The following CDC20B variants were observed in gnomAD, a reference collection of about 807,000 sequenced individuals.
The protein encoded by CDC20B is cell division cycle protein 20 homolog B.
In CDC20B, 58 loss-of-function variants were observed where a neutral mutation model predicts 64.1. The ratio of observed to expected loss-of-function variants is 0.90; its 90% CI spans 0.73 to 1.13. CDC20B has a LOEUF of 1.13. CDC20B is among the 50% of genes most tolerant of loss of function. CDC20B has a pLI of 0.00. For synonymous variants in CDC20B, 243 were observed against 230.6 expected (o/e 1.05, Z -0.49); for missense variants, 597 against 633.0 (o/e 0.94, Z 0.61).
intron 8 of CDC20B, 30 bp downstream of exon 8, chr5:55,127,227 C>T: frequency 1.9e-6 from 3 of 1,574,284 alleles, no homozygotes; most frequent in Non-Finnish European, 2.6e-6. Flanking sequence ...TTAATACAAA[C>T]ATAACTGTCT....
At chr5:55,141,563 C>T (rs551485584) in intron 4 of CDC20B, among the ~76,000 whole-genome samples, 67 of 152,276 alleles carry the variant, frequency 4.4e-4, no homozygotes, top group African/African-American at 1.6e-3. Context: ...CACTGAGTCA[C>T]GAAGAATGTA....
intron 9 of CDC20B, among the ~76,000 whole-genome samples, chr5:55,123,738 T>A (rs1016324663): frequency 6.6e-6 from 1 of 152,210 alleles, no homozygotes; most frequent in Non-Finnish European, 1.5e-5. Context: ...TTTCAACTAA[T>A]TTTTTGTTTT....
intron 9 of CDC20B, among the ~76,000 whole-genome samples, chr5:55,124,100 C>A (rs867934109): frequency 6.6e-6 from 1 of 152,146 alleles, no homozygotes. Flanking sequence ...AATTTTTTTA[C>A]TAGAAATAAG....
chr5:55,135,319 T>C (rs1250380751), intron 5 of CDC20B, among the ~76,000 whole-genome samples: 51 of 152,174 alleles, frequency 3.4e-4, no homozygotes, highest in Non-Finnish European at 2.9e-5. Flanking sequence ...ACATTATCTC[T>C]GGCTTCATAG....
chr5:55,128,260 T>TA lies in CDC20B; in HGVS notation c.894+160dup, dbSNP rs372856760. Among the ~76,000 whole-genome samples, 582 of 109,560 alleles carry TA rather than the reference T, an allele frequency of 5.3e-3. 3 individuals carry two copies. Among genetic ancestry groups the TA allele is most frequent in the African/African-American group, 0.012 (350 of 29,138 alleles). 71.9% of individuals were successfully genotyped at this position (109,560 alleles called of 152,430 possible). On this transcript the variant is annotated intron_variant, in intron 7 of 11. Transcript: ENST00000381375. ...TACGTTTTCATTAAAAACCATTCAG[T>TA]AAAAAAAAAAAAAAAAAAGCGGAAT...
Position 55,114,124 on chromosome 5 carries a change from G to A in CDC20B, c.*94C>T. ...CACATCAAGAAGAGTATTTCAACTTGTTTGATACTCATAAAAACCCCATGG... is the reference window on the plus strand; with the variant it reads ...CACATCAAGAAGAGTATTTCAACTTATTTGATACTCATAAAAACCCCATGG... On this transcript the variant is annotated 3_prime_UTR_variant, in exon 12 of 12. Coordinates refer to ENST00000381375, the MANE Select transcript of CDC20B (RefSeq NM_001170402.1). The surrounding 1 kb of genome is among the most constrained non-coding windows in gnomAD (Gnocchi z 4.1). 3 of 1,492,748 alleles carry A rather than the reference G, an allele frequency of 2.0e-6. No homozygotes were observed. Among genetic ancestry groups the A allele is most frequent in the Non-Finnish European group, 2.7e-6 (3 of 1,118,796 alleles). The allele number at this position is 1,492,748 out of a possible 1,614,324, so 92.5% of individuals were successfully genotyped here. A position where few individuals can be genotyped will look rare whatever the true frequency, so the allele number is the denominator to read the frequency against.
chr5:55,127,377 T>C (rs1255551992), intron 7 of CDC20B, 26 bp from the exon 8 acceptor site: 4 of 1,590,960 alleles, frequency 2.5e-6, no homozygotes, highest in South Asian at 2.2e-5. Flanking sequence ...AGGAGAGTTA[T>C]GTAGCATTGG....
At chr5:55,137,625 C>T (rs1165788121) in intron 5 of CDC20B, 2 of 456,700 alleles carry the variant, frequency 4.4e-6, no homozygotes, top group East Asian at 1.4e-4. Flanking sequence ...TTCATGCTGC[C>T]ACTAAAGTGA....
intron 2 of CDC20B, among the ~76,000 whole-genome samples, chr5:55,151,218 A>G: frequency 6.6e-6 from 1 of 152,222 alleles, no homozygotes; most frequent in East Asian, 1.9e-4. Flanking sequence ...CTCATTTCAT[A>G]AAAGATATTA....
chr5:55,120,352 G>A (rs1335597433), intron 10 of CDC20B, 73 bp downstream of exon 10: 8 of 1,557,286 alleles, frequency 5.1e-6, no homozygotes, highest in Non-Finnish European at 7.1e-6. Context: ...TGGGGGCATA[G>A]GCTCTGTTGT....
At position 55,120,353 on chromosome 5, in the gene CDC20B, G is replaced by A. The variant is rs1015637138; in HGVS notation, c.1341+72C>T. The A allele has an allele frequency of 5.1e-6, 8 of 1,563,830 alleles. No homozygotes were observed. The South Asian group carries it at 6.8e-5, about 13-fold the overall frequency. On this transcript the variant is annotated intron_variant, in intron 10 of 11. Transcript: ENST00000381375. ...GAAAGAGAGCTTGTTGGGGGCATAGGCTCTGTTGTAAACTATTTTCACAAG... is the reference window on the plus strand; with the variant it reads ...GAAAGAGAGCTTGTTGGGGGCATAGACTCTGTTGTAAACTATTTTCACAAG...
At chr5:55,168,196 T>C (rs1400647352) in intron 2 of CDC20B, among the ~76,000 whole-genome samples, 1 of 151,980 alleles carries the variant, frequency 6.6e-6, no homozygotes, top group Non-Finnish European at 1.5e-5. Flanking sequence ...GTTAAGGCTG[T>C]CTCTTGCAGA....
At chr5:55,141,169 C>T (rs1189387538) in intron 4 of CDC20B, among the ~76,000 whole-genome samples, 1 of 152,200 alleles carries the variant, frequency 6.6e-6, no homozygotes, top group Non-Finnish European at 1.5e-5. Context: ...AGCAGCAGCT[C>T]TCATCAACAG....
rs980091635 is a variant in CDC20B, at chr5:55,113,478, G to C, written c.*740C>G. 1 of 152,486 alleles carries C rather than the reference G, an allele frequency of 6.6e-6. No individual in the cohort carries two copies. The highest frequency in any genetic ancestry group is 1.9e-4 in the East Asian group (1 of 5,200). The allele number at this position is 152,486 out of a possible 1,614,324, so 9.4% of individuals were successfully genotyped here. A position where few individuals can be genotyped will look rare whatever the true frequency, so the allele number is the denominator to read the frequency against. ...TGAGAGGATCAGCACAGGACTTTTA[G>C]ATGTTCAACCTAGCAGTGGTGTGGA... On this transcript the variant is annotated 3_prime_UTR_variant, in exon 12 of 12. Transcript: ENST00000381375.
chr5:55,135,673 A>C (rs866725735), intron 5 of CDC20B: 11 of 152,000 alleles, frequency 7.2e-5, no homozygotes, highest in South Asian at 4.1e-4. Context: ...TGCAGCCCAC[A>C]GGGCACATGC....
At position 55,150,955 on chromosome 5, in the gene CDC20B, A is replaced by G. The variant is rs886112161; in HGVS notation, c.127-4099T>C. ...GAGACGGGGTTTCACCATGTTGCCC[A>G]GGCTGGTCTTTAACTCCTGGGCTCA... On this transcript the variant is annotated intron_variant, in intron 2 of 11. Coordinates refer to ENST00000381375, the MANE Select transcript of CDC20B (RefSeq NM_001170402.1). Among the ~76,000 whole-genome samples, 6 of 152,240 alleles carry G rather than the reference A, an allele frequency of 3.9e-5. No homozygotes were observed. The East Asian group carries it at 9.7e-4, about 25-fold the overall frequency.
At position 55,127,287 on chromosome 5, in the gene CDC20B, G is replaced by A. The variant is rs1309640421; in HGVS notation, c.959C>T (p.Ala320Val). Residue 320 changes from alanine to valine, a missense_variant, in exon 8 of 12, where the codon GCT (alanine) becomes GTT (valine). By Grantham distance (64) the Ala-to-Val change is moderately conservative. Coordinates refer to ENST00000381375, the MANE Select transcript of CDC20B (RefSeq NM_001170402.1). Reference sequence around the variant, plus strand: ...GAGGATAAAGTGATTCCAGCTCAGAGCCCCAACTACTGACAAATGACCAAG... The same window carrying A: ...GAGGATAAAGTGATTCCAGCTCAGAACCCCAACTACTGACAAATGACCAAG... ...NMLGHLSVVG[A>V]LSWNHFILSS... is the part of the protein sequence containing the mutation. The A allele has an allele frequency of 2.5e-6, 4 of 1,614,072 alleles. No homozygotes were observed. In the East Asian group the frequency reaches 8.9e-5, roughly 36 times the overall value.
At chr5:55,135,769 T>C (rs1355015923) in intron 5 of CDC20B, 1 of 150,918 alleles carries the variant, frequency 6.6e-6, no homozygotes, top group African/African-American at 2.4e-5. Context: ...TTTTTTTTTT[T>C]TTTTTTTTTA....
chr5:55,115,137 C>CA lies in CDC20B; in HGVS notation c.1460-820dup, dbSNP rs563412100. Reference sequence around the variant, plus strand: ...CTGAAGCAGCTTAATGAAAAAGGACCAAAAAAGCTCTCCCACAGAGCATGC... The same window carrying CA: ...CTGAAGCAGCTTAATGAAAAAGGACCAAAAAAAGCTCTCCCACAGAGCATGC... On this transcript the variant is annotated intron_variant, in intron 11 of 11. Coordinates refer to ENST00000381375, the MANE Select transcript of CDC20B (RefSeq NM_001170402.1). Among the ~76,000 whole-genome samples the CA allele has an allele frequency of 1.2e-3, 180 of 152,100 alleles. 2 individuals carry two copies. The highest frequency in any genetic ancestry group is 1.8e-3 in the Non-Finnish European group (120 of 67,994).
Sources: allele counts gnomAD v4.1 joint callset (sites outside exome capture counted in the v4.1 genomes callset), GRCh38; gene constraint gnomAD v4.1.1; non-coding constraint Gnocchi (gnomAD v3.1); transcripts MANE v1.5; gene names NCBI Gene and HGNC (gene_info 2026-07-23, HGNC 2026-07-21).